The following CACNA1B variants were observed in gnomAD, a reference collection of about 807,000 sequenced individuals.
CACNA1B encodes voltage-dependent N-type calcium channel subunit alpha-1B.
In CACNA1B, 70 loss-of-function variants were observed where a neutral mutation model predicts 247.2. The ratio of observed to expected loss-of-function variants is 0.28; its 90% confidence interval spans 0.23 to 0.35. The LOEUF (loss-of-function observed/expected upper bound fraction) is 0.35. Among genes scored for constraint, CACNA1B ranks in the 10% least tolerant of loss-of-function variants. CACNA1B has a pLI of 1.00. For synonymous variants in CACNA1B, 1,231 were observed against 1,294.4 expected (o/e 0.95, Z 1.05); for missense variants, 2,367 against 3,197.4 (o/e 0.74, Z 6.26).
chr9:137,883,346 C>T (rs1161388215), intron 3 of CACNA1B, among the ~76,000 whole-genome samples: 6 of 152,076 alleles, frequency 3.9e-5, no homozygotes, highest in Non-Finnish European at 8.8e-5. Context: ...GTGTCCACCT[C>T]GCTCAGAGCC....
At chr9:137,878,834 G>T (rs1361152991) in intron 1 of CACNA1B, among the ~76,000 whole-genome samples, 4 of 152,174 alleles carry the variant, frequency 2.6e-5, no homozygotes, top group Non-Finnish European at 5.9e-5. Context: ...CGAGGGGCTG[G>T]CGGCCCAGAC....
At chr9:138,077,569 T>C (rs1960371262) in intron 35 of CACNA1B, among the ~76,000 whole-genome samples, 1 of 152,190 alleles carries the variant, frequency 6.6e-6, no homozygotes, top group Admixed American at 6.5e-5. Context: ...GTGGACCTGC[T>C]TCCTGCCGTG....
At position 138,058,997 on chromosome 9, in the gene CACNA1B, G is replaced by A. The variant is rs558330743; in HGVS notation, c.4474-82G>A. On this transcript the variant is annotated intron_variant, in intron 29 of 46. Coordinates refer to ENST00000371372, the MANE Select transcript of CACNA1B (RefSeq NM_000718.4). The surrounding 1 kb of genome is among the most constrained non-coding windows in gnomAD (Gnocchi z 4.7). ...GGCAGGCATCGAGTTCTGTCTGCCCGCTTTGCTTGGTCATAGTGGTCCCAG... is the reference window on the plus strand; with the variant it reads ...GGCAGGCATCGAGTTCTGTCTGCCCACTTTGCTTGGTCATAGTGGTCCCAG... 7.2e-5 allele frequency: 61 copies of A among 847,904 alleles called. No individual in the cohort carries two copies. In the East Asian group the frequency reaches 9.7e-4, roughly 13 times the overall value. The allele number at this position is 847,904 out of a possible 1,614,324, so 52.5% of individuals were successfully genotyped here.
rs1388455454 is a variant in CACNA1B at position 138,010,220 on chromosome 9, CAG to C, written c.2160+144_2160+145del. 17 of 636,844 alleles carry C rather than the reference CAG, an allele frequency of 2.7e-5. No homozygotes were observed. The highest frequency in any genetic ancestry group is 3.9e-5 in the South Asian group (2 of 51,764). 39.4% of individuals were successfully genotyped at this position (636,844 alleles called of 1,614,324 possible). ...GGCGGGCAGAGGCTGGTCTGTCACT[CAG>C]GGGCTGGAGGCTGGAGCTGAGGATG... On this transcript the variant is annotated intron_variant, in intron 17 of 46. Coordinates refer to ENST00000371372, the MANE Select transcript of CACNA1B (RefSeq NM_000718.4). This position sits in a 1 kb window ranked among gnomAD's most constrained non-coding sequence, Gnocchi z 5.3.
At chr9:137,949,256 GGTGCGTGTGTGTGTC>G (rs1957847098) in intron 6 of CACNA1B, among the ~76,000 whole-genome samples, 6 of 144,060 alleles carry the variant, frequency 4.2e-5, no homozygotes, top group Non-Finnish European at 4.6e-5. Context: ...TGTGGTGTGT[GGTGCGTGTGTGTGTC>G]TGGTGTGTGT....
rs1161447919 is a variant in CACNA1B, at chr9:138,023,357, CCGAAGGCGG to C, written c.2615_2623del (p.Pro872_Glu875delinsGln). On this transcript the variant is annotated inframe_deletion, in exon 19 of 47. Transcript: ENST00000371372. Reference sequence around the variant, plus strand: ...GGGGGACCAGGACCGAGCAGAGGCCCCGAAGGCGGAGAGCGGGGAGCCCGGTGCCCGGGA... The same window carrying C: ...GGGGGACCAGGACCGAGCAGAGGCCCAGAGCGGGGAGCCCGGTGCCCGGGA... 4.9e-6 allele frequency: 7 copies of C among 1,426,042 alleles called. No individual in the cohort carries two copies. The highest frequency in any genetic ancestry group is 6.4e-6 in the Non-Finnish European group (7 of 1,098,038). The allele number at this position is 1,426,042 out of a possible 1,614,324, so 88.3% of individuals were successfully genotyped here. A position where few individuals can be genotyped will look rare whatever the true frequency, so the allele number is the denominator to read the frequency against.
chr9:138,078,201 T>C lies in CACNA1B; in HGVS notation c.5037T>C (p.Cys1679=). 6.2e-7 allele frequency: 1 copy of C among 1,613,992 alleles called. No individual in the cohort carries two copies. Among genetic ancestry groups the C allele is most frequent in the Non-Finnish European group, 8.5e-7 (1 of 1,179,876 alleles). Reference sequence around the variant, plus strand: ...ATGAGCAGGCCAATGCCACCGAGTGTGGAAGTGACTTTGCCTACTTCTACT... The same window carrying C: ...ATGAGCAGGCCAATGCCACCGAGTGCGGAAGTGACTTTGCCTACTTCTACT... ...ACDEQANATE[C]GSDFAYFYFV... is the part of the protein sequence containing the mutation. The change falls in exon 36 of 47, where the codon TGT becomes TGC. Residue 1679 remains cysteine (C), a synonymous_variant. Transcript: ENST00000371372.
intron 21 of CACNA1B, among the ~76,000 whole-genome samples, chr9:138,045,781 G>A (rs1003774631): frequency 5.3e-5 from 8 of 152,284 alleles, no homozygotes; most frequent in Middle Eastern, 3.4e-3. Flanking sequence ...GCAGGCTGGC[G>A]GTGGGCCAGG....
At position 138,046,962 on chromosome 9, in the gene CACNA1B, G is replaced by T. The variant is rs373559930; in HGVS notation, c.3472G>T (p.Val1158Leu). The change falls in exon 22 of 47, where the codon GTG becomes TTG. Residue 1158 changes from valine (V) to leucine (L), a missense_variant. Physicochemically the swap from Val to Leu is conservative, Grantham distance 32. This residue lies in a region of CACNA1B where 631 missense variants were observed against 631.1 expected (regional missense o/e 1.00). Coordinates refer to ENST00000371372, the MANE Select transcript of CACNA1B (RefSeq NM_000718.4). ...GAGGTACTTCGAGGTGGTCATTCTC[G>T]TGGTCATCGCCTTGAGCAGCATCGC... ...TMRYFEVVILVVIALSSIALA... is the reference protein window; with the variant it reads ...TMRYFEVVILLVIALSSIALA... The T allele has an allele frequency of 5.0e-6, 8 of 1,613,476 alleles. No individual in the cohort carries two copies. In the African/African-American group the frequency reaches 5.3e-5, roughly 11 times the overall value.
Position 137,974,711 on chromosome 9 carries a change from G to A in CACNA1B, c.1544-1196G>A, listed in dbSNP as rs929306127. 2.0e-5 allele frequency among the ~76,000 whole-genome samples: 3 copies of A among 152,192 alleles called. No homozygotes were observed. The highest frequency in any genetic ancestry group is 4.8e-5 in the African/African-American group (2 of 41,458). On this transcript the variant is annotated intron_variant, in intron 11 of 46. Transcript: ENST00000371372. This position sits in a 1 kb window ranked among gnomAD's most constrained non-coding sequence, Gnocchi z 4.5. The stretch of plus-strand genomic sequence containing the variant: ...AGAAGTTGTGTCTGCTGAAGGTCCC[G>A]TGTCCCAACAGAGACTGTAGAGGGG...
intron 3 of CACNA1B, among the ~76,000 whole-genome samples, chr9:137,904,953 G>C (rs1267385612): frequency 1.3e-5 from 2 of 152,100 alleles, no homozygotes; most frequent in Admixed American, 6.6e-5. Context: ...GGGTTTGTTA[G>C]TACTCTTGAG....
At chr9:137,892,164 C>G (rs779643031) in intron 3 of CACNA1B, 1 of 456,914 alleles carries the variant, frequency 2.2e-6, no homozygotes. Flanking sequence ...TTCCCTTGAA[C>G]GACTGGACAC....
chr9:138,010,089 CAG>C lies in CACNA1B; in HGVS notation c.2160+13_2160+14del. On this transcript the variant is annotated intron_variant, in intron 17 of 46. Coordinates refer to ENST00000371372, the MANE Select transcript of CACNA1B (RefSeq NM_000718.4). The surrounding 1 kb of genome is among the most constrained non-coding windows in gnomAD (Gnocchi z 5.3). The stretch of plus-strand genomic sequence containing the variant: ...AAGAGCTGACCAAGGTAGGTGGCGA[CAG>C]GGAGGGACCGGTGTCAGCCCATGTC... 1 of 1,608,914 alleles carries C rather than the reference CAG, an allele frequency of 6.2e-7. No homozygotes were observed. Among genetic ancestry groups the C allele is most frequent in the Non-Finnish European group, 8.5e-7 (1 of 1,175,314 alleles).
chr9:138,099,775 G>A (rs1961192591), intron 37 of CACNA1B, among the ~76,000 whole-genome samples: 1 of 152,252 alleles, frequency 6.6e-6, no homozygotes, highest in African/African-American at 2.4e-5. Context: ...CTGAAGGCAC[G>A]AAACTGTTCA....
In CACNA1B at chr9:137,891,896, G is replaced by C. The variant is rs759826527; in HGVS notation, c.530+9013G>C. The C allele has an allele frequency of 8.1e-6, 3 of 372,324 alleles. No homozygotes were observed. The highest frequency in any genetic ancestry group is 7.3e-5 in the East Asian group (1 of 13,734). 23.1% of individuals were successfully genotyped at this position (372,324 alleles called of 1,614,324 possible). Reference sequence around the variant, plus strand: ...CCCACCCAGTCCCTGCCCTCTTCACGACCCTGCTGTGAGCTCCTTTCTCCA... The same window carrying C: ...CCCACCCAGTCCCTGCCCTCTTCACCACCCTGCTGTGAGCTCCTTTCTCCA... On this transcript the variant is annotated intron_variant, in intron 3 of 46. Coordinates refer to ENST00000371372, the MANE Select transcript of CACNA1B (RefSeq NM_000718.4). The surrounding 1 kb of genome is among the most constrained non-coding windows in gnomAD (Gnocchi z 4.3).
At chr9:138,039,565 A>G (rs1364501218) in intron 20 of CACNA1B, among the ~76,000 whole-genome samples, 1 of 152,100 alleles carries the variant, frequency 6.6e-6, no homozygotes, top group Admixed American at 6.5e-5. Flanking sequence ...TTTTTGACCC[A>G]TGAATTCTTT....
chr9:138,111,690 C>T (rs185013620), intron 39 of CACNA1B, among the ~76,000 whole-genome samples: 1 of 152,326 alleles, frequency 6.6e-6, no homozygotes, highest in East Asian at 1.9e-4. Flanking sequence ...TATTTTATTC[C>T]TCTGCTCAAA....
rs1959560521 is a variant in CACNA1B, at chr9:138,057,636, ATTCTT to A, written c.3969-94_3969-90del. The stretch of plus-strand genomic sequence containing the variant: ...CCCAGCACAGTCTGTTGGAGAGGCC[ATTCTT>A]TCCCCACGGAATGGTTTCAACACTC... On this transcript the variant is annotated intron_variant, in intron 26 of 46. Transcript: ENST00000371372. The surrounding 1 kb of genome is among the most constrained non-coding windows in gnomAD (Gnocchi z 4.0). The A allele has an allele frequency of 6.4e-6, 8 of 1,255,064 alleles. No individual in the cohort carries two copies. Among genetic ancestry groups the A allele is most frequent in the Non-Finnish European group, 8.9e-6 (8 of 898,710 alleles). 77.7% of individuals were successfully genotyped at this position (1,255,064 alleles called of 1,614,324 possible). A position where few individuals can be genotyped will look rare whatever the true frequency, so the allele number is the denominator to read the frequency against.
intron 6 of CACNA1B, among the ~76,000 whole-genome samples, chr9:137,929,819 A>T (rs954274806): frequency 6.6e-6 from 1 of 151,742 alleles, no homozygotes; most frequent in Non-Finnish European, 1.5e-5. Context: ...AAGCCTGGCT[A>T]ATTTTTAAAT....
Sources: allele counts gnomAD v4.1 joint callset (sites outside exome capture counted in the v4.1 genomes callset), GRCh38; gene constraint gnomAD v4.1.1; regional missense constraint gnomAD v4.1.1; non-coding constraint Gnocchi (gnomAD v3.1); transcripts MANE v1.5; gene names NCBI Gene and HGNC (gene_info 2026-07-23, HGNC 2026-07-21).